Variants in CELF2 observed in about 807,000 individuals in gnomAD.
CELF2 encodes CUGBP Elav-like family member 2.
Under a neutral mutation model 62.6 loss-of-function variants are expected in CELF2, and 8 were observed. That is an observed-to-expected ratio of 0.13 (90% confidence interval 0.07 to 0.23). The LOEUF is 0.23. Among genes scored for constraint, CELF2 ranks in the 10% least tolerant of loss-of-function variants. The probability of loss-of-function intolerance (pLI) is 1.00; values close to 1 mark genes in which losing one functional copy is unlikely to be tolerated. For synonymous variants in CELF2, 258 were observed against 250.0 expected, an observed-to-expected ratio of 1.03 and a Z score of -0.30; for missense variants, 333 against 671.0, an observed-to-expected ratio of 0.50 and a Z score of 5.56.
rs547566856 is a variant in CELF2 at position 11,156,786 on chromosome 10, C to T, written c.75-8700C>T. Among the ~76,000 whole-genome samples the T allele has an allele frequency of 3.3e-5, 5 of 152,212 alleles. No individual in the cohort carries two copies. Among genetic ancestry groups the T allele is most frequent in the East Asian group, 1.9e-4 (1 of 5,182 alleles). ...GAAAGGCCAGAGCAAGCAGCCAGTC[C>T]GCATTACACGCATGTTCTGTGTGCA... is the stretch of plus-strand genomic sequence containing the variant. On this transcript the variant is annotated intron_variant, in intron 1 of 12. Transcript: ENST00000633077. The surrounding 1 kb of genome is among the most constrained non-coding windows in gnomAD (Gnocchi z 4.3).
chr10:10,782,431 G>T, the CELF2 span, among the ~76,000 whole-genome samples: 2 of 152,176 alleles, frequency 1.3e-5, no homozygotes, highest in Admixed American at 1.3e-4. Context: ...TTCTGTTCTA[G>T]TCGGGCCTTC....
At chr10:10,494,547 C>CA in the CELF2 span, among the ~76,000 whole-genome samples, 73 of 152,278 alleles carry the variant, frequency 4.8e-4, no homozygotes, top group East Asian at 2.9e-3. Flanking sequence ...TTCTAATTAA[C>CA]AAAAAGGAAA....
chr10:10,640,493 A>G, the CELF2 span, among the ~76,000 whole-genome samples: 66,885 of 151,946 alleles, frequency 0.44, 15,183 homozygotes, highest in South Asian at 0.71. Context: ...TGAGATTTGG[A>G]TCTTTGCTCT....
chr10:10,491,714 C>T, the CELF2 span, among the ~76,000 whole-genome samples: 1 of 152,156 alleles, frequency 6.6e-6, no homozygotes, highest in Non-Finnish European at 1.5e-5. Context: ...TCTTTGTGCT[C>T]AGTTAAATAG....
At chr10:10,673,090 C>T in the CELF2 span, among the ~76,000 whole-genome samples, 21 of 151,972 alleles carry the variant, frequency 1.4e-4, no homozygotes, top group East Asian at 7.7e-4. Context: ...TAAAATTTCA[C>T]GTATTCATTG....
the CELF2 span, among the ~76,000 whole-genome samples, chr10:10,485,219 G>T: frequency 2.0e-5 from 3 of 152,242 alleles, no homozygotes; most frequent in Non-Finnish European, 2.9e-5. Context: ...GTATAATCTT[G>T]ATTAAAATGT....
chr10:10,541,104 G>T, the CELF2 span, among the ~76,000 whole-genome samples: 3 of 151,770 alleles, frequency 2.0e-5, no homozygotes, highest in Non-Finnish European at 4.4e-5. Flanking sequence ...TTAGCCGGGC[G>T]TGGTGGTGGG....
At chr10:11,063,813 A>G (rs1477844525) in intron 1 of CELF2, among the ~76,000 whole-genome samples, 1 of 152,184 alleles carries the variant, frequency 6.6e-6, no homozygotes, top group African/African-American at 2.4e-5. Context: ...CTTTAGAGAC[A>G]CTTGTGCCTA....
At chr10:10,651,780 C>T in the CELF2 span, among the ~76,000 whole-genome samples, 1 of 151,118 alleles carries the variant, frequency 6.6e-6, no homozygotes. Flanking sequence ...AAAAAAAAAG[C>T]ACAGAAAAAC....
the CELF2 span, among the ~76,000 whole-genome samples, chr10:10,694,470 GA>G: frequency 2.0e-5 from 3 of 151,966 alleles, no homozygotes; most frequent in Admixed American, 6.6e-5. Context: ...GCATGGTGCT[GA>G]AAAAAATGTA....
At chr10:11,091,946 A>C (rs1260230831) in intron 1 of CELF2, among the ~76,000 whole-genome samples, 3 of 152,212 alleles carry the variant, frequency 2.0e-5, no homozygotes, top group Non-Finnish European at 2.9e-5. Flanking sequence ...CATTTAGAAA[A>C]GCAGAATAAA....
intron 2 of CELF2, among the ~76,000 whole-genome samples, chr10:11,172,296 A>C (rs896814480): frequency 2.0e-5 from 3 of 152,208 alleles, no homozygotes; most frequent in Non-Finnish European, 4.4e-5. Context: ...TATGGGACAA[A>C]CATAAAATGC....
At chr10:10,508,709 T>TATA in the CELF2 span, among the ~76,000 whole-genome samples, 196 of 18,872 alleles carry the variant, frequency 0.01, 1 homozygote, top group Middle Eastern at 0.042. Flanking sequence ...TGTGTGTATA[T>TATA]TTTTTTTTTT....
the CELF2 span, among the ~76,000 whole-genome samples, chr10:10,556,103 A>G: frequency 0.13 from 19,328 of 152,080 alleles, 1,345 homozygotes; most frequent in South Asian, 0.19. Flanking sequence ...ACATATGTAT[A>G]CATGTGACAT....
chr10:10,761,827 G>A, the CELF2 span, among the ~76,000 whole-genome samples: 1 of 151,908 alleles, frequency 6.6e-6, no homozygotes, highest in Non-Finnish European at 1.5e-5. Flanking sequence ...ATGGGCTCCT[G>A]GGTCTCCAGC....
At chr10:10,798,806 G>T (rs1031022701) in exon 1 of CELF2, 7 of 398,652 alleles carry the variant, frequency 1.8e-5, no homozygotes, top group African/African-American at 1.4e-4. Flanking sequence ...TGAAAAACTG[G>T]AAAGTTTTAA....
At chr10:10,817,560 G>A (rs2131881708) in intron 1 of CELF2, among the ~76,000 whole-genome samples, 1 of 152,184 alleles carries the variant, frequency 6.6e-6, no homozygotes, top group African/African-American at 2.4e-5. Flanking sequence ...CCACCAGTAA[G>A]TGAGAATATA....
chr10:11,001,929 C>T (rs148916844), upstream of CELF2, among the ~76,000 whole-genome samples: 1 of 152,174 alleles, frequency 6.6e-6, no homozygotes, highest in African/African-American at 2.4e-5. Flanking sequence ...ACTCGACCTT[C>T]ATTTGGAATA....
the CELF2 span, among the ~76,000 whole-genome samples, chr10:10,599,135 G>C: frequency 1.1e-3 from 163 of 152,074 alleles, no homozygotes; most frequent in Admixed American, 3.5e-3. Flanking sequence ...TGATTTTTAA[G>C]CTTCCAGGTA....
Sources: allele counts gnomAD v4.1 joint callset (sites outside exome capture counted in the v4.1 genomes callset), GRCh38; gene constraint gnomAD v4.1.1; non-coding constraint Gnocchi (gnomAD v3.1); transcripts MANE v1.5; gene names NCBI Gene and HGNC (gene_info 2026-07-23, HGNC 2026-07-21).